The following GSDME variants were observed in gnomAD, a reference collection of about 807,000 sequenced individuals.
GSDME encodes the protein gasdermin-E.
A neutral mutation model predicts 47.5 loss-of-function variants in GSDME; 44 were observed. The ratio of observed to expected loss-of-function variants is 0.93; its 90% CI spans 0.73 to 1.19. GSDME has a LOEUF of 1.19. Among genes scored for constraint, GSDME ranks in the 50% most tolerant of loss-of-function variants. GSDME has a pLI of 0.00. For missense variants in GSDME, 663 were observed against 604.2 expected, an observed-to-expected ratio of 1.10 and a Z score of -1.02; for synonymous variants, 258 against 252.8, an observed-to-expected ratio of 1.02 and a Z score of -0.20.
chr7:24,734,272 A>G (rs1469888691), intron 3 of GSDME, among the ~76,000 whole-genome samples: 1 of 152,240 alleles, frequency 6.6e-6, no homozygotes, highest in East Asian at 1.9e-4. Flanking sequence ...AACTTGGATG[A>G]CAACACCCAA....
At position 24,717,354 on chromosome 7, in the gene GSDME, C is replaced by T; in HGVS notation, c.597G>A (p.Gly199=). 1 of 1,614,142 alleles carries T rather than the reference C, an allele frequency of 6.2e-7. No homozygotes were observed. Among genetic ancestry groups the T allele is most frequent in the Non-Finnish European group, 8.5e-7 (1 of 1,180,024 alleles). ...KTVQVSATED[G]NVTKDSNVVL... ...CCACGTTGGAGTCCTTGGTGACATTCCCATCCTCCGTCGCTGACACCTGTG... is the reference window on the plus strand; with the variant it reads ...CCACGTTGGAGTCCTTGGTGACATTTCCATCCTCCGTCGCTGACACCTGTG... Residue 199 remains glycine (G), a synonymous_variant, in exon 5 of 10, where the codon GGG becomes GGA. Transcript: ENST00000645220.
intron 3 of GSDME, among the ~76,000 whole-genome samples, chr7:24,722,437 C>CAACT (rs1789825605): frequency 6.6e-6 from 1 of 152,204 alleles, no homozygotes. Flanking sequence ...AACATACATT[C>CAACT]AACTGTTCCC....
At chr7:24,766,998 AAT>A in the GSDME span, among the ~76,000 whole-genome samples, 1 of 152,180 alleles carries the variant, frequency 6.6e-6, no homozygotes, top group African/African-American at 2.4e-5. The surrounding 1 kb of genome is among the most constrained non-coding windows in gnomAD (Gnocchi z 4.2). Context: ...TCGCCATTCA[AAT>A]GGGCATGAGA....
intron 5 of GSDME, among the ~76,000 whole-genome samples, chr7:24,710,890 AG>A (rs1413401000): frequency 6.6e-6 from 1 of 152,230 alleles, no homozygotes; most frequent in Non-Finnish European, 1.5e-5. Flanking sequence ...TGATGTCTGC[AG>A]TTATATGAAT....
chr7:24,743,943 CA>C (rs1554330525), intron 3 of GSDME: 1 of 155,550 alleles, frequency 6.4e-6, no homozygotes, highest in Non-Finnish European at 1.4e-5. Context: ...GACATTTGGG[CA>C]TTTTGCTCTC....
At chr7:24,770,233 T>G in the GSDME span, among the ~76,000 whole-genome samples, 1 of 152,240 alleles carries the variant, frequency 6.6e-6, no homozygotes, top group Non-Finnish European at 1.5e-5. The surrounding 1 kb of genome is among the most constrained non-coding windows in gnomAD (Gnocchi z 4.6). Flanking sequence ...ATGATGAGGT[T>G]CACAGAGCTT....
the GSDME span, among the ~76,000 whole-genome samples, chr7:24,784,237 C>T: frequency 3.7e-4 from 57 of 152,120 alleles, no homozygotes; most frequent in East Asian, 6.0e-3. Flanking sequence ...CAGGGTTCTG[C>T]GGAGGGACAG....
intron 1 of GSDME, among the ~76,000 whole-genome samples, chr7:24,751,564 C>T (rs1370517779): frequency 1.3e-5 from 2 of 152,144 alleles, no homozygotes; most frequent in East Asian, 1.9e-4. Context: ...AGCTACCTGA[C>T]CCTGTTCTTG....
intron 3 of GSDME, among the ~76,000 whole-genome samples, chr7:24,737,933 A>G (rs929367743): frequency 1.3e-5 from 2 of 152,194 alleles, no homozygotes; most frequent in Admixed American, 6.5e-5. Flanking sequence ...ATAAAATTCA[A>G]CATCCCTTCA....
chr7:24,730,058 T>C (rs1790095295), intron 3 of GSDME, among the ~76,000 whole-genome samples: 1 of 152,202 alleles, frequency 6.6e-6, no homozygotes, highest in African/African-American at 2.4e-5. Context: ...CTATGTCTGA[T>C]ATTCAGATTC....
Position 24,698,771 on chromosome 7 carries a change from G to A in GSDME, c.*255C>T, listed in dbSNP as rs1402827974. 2.3e-5 allele frequency: 12 copies of A among 521,172 alleles called. No homozygotes were observed. Among genetic ancestry groups the A allele is most frequent in the South Asian group, 1.3e-4 (6 of 47,944 alleles). The allele number at this position is 521,172 out of a possible 1,614,324, so 32.3% of individuals were successfully genotyped here. ...TCTGAATGTATGCTAAGAATTCTCC[G>A]CCCTCCCAGCTCTTTACATGCTGGA... On this transcript the variant is annotated 3_prime_UTR_variant, in exon 10 of 10. Coordinates refer to ENST00000645220, the MANE Select transcript of GSDME (RefSeq NM_001127453.2).
In GSDME at chr7:24,733,646, T is replaced by C. The variant is rs1011317750; in HGVS notation, c.404+10916A>G. 6.6e-6 allele frequency among the ~76,000 whole-genome samples: 1 copy of C among 152,106 alleles called. No individual in the cohort carries two copies. Among genetic ancestry groups the C allele is most frequent in the African/African-American group, 2.4e-5 (1 of 41,390 alleles). Reference sequence around the variant, plus strand: ...AATATGGGTGGTGGCCTGGCAGTGCTCCTTGTGGGCCTGTAGTGCTGGTGG... The same window carrying C: ...AATATGGGTGGTGGCCTGGCAGTGCCCCTTGTGGGCCTGTAGTGCTGGTGG... On this transcript the variant is annotated intron_variant, in intron 3 of 9. Transcript: ENST00000645220. This position sits in a 1 kb window ranked among gnomAD's most constrained non-coding sequence, Gnocchi z 4.3.
At chr7:24,794,256 CTCTTT>C in the GSDME span, among the ~76,000 whole-genome samples, 8 of 151,130 alleles carry the variant, frequency 5.3e-5, no homozygotes, top group African/African-American at 1.9e-4. Context: ...CTCTCTTTGC[CTCTTT>C]TCTTCTCTCT....
chr7:24,719,386 A>G (rs1446842022), intron 3 of GSDME, among the ~76,000 whole-genome samples, 168 bp from the exon 4 acceptor site: 4 of 152,116 alleles, frequency 2.6e-5, no homozygotes, highest in Non-Finnish European at 5.9e-5. Context: ...GACATAAACC[A>G]AACTCTCTTG....
At chr7:24,780,376 T>A in the GSDME span, among the ~76,000 whole-genome samples, 10 of 152,352 alleles carry the variant, frequency 6.6e-5, no homozygotes, top group Admixed American at 6.5e-4. The surrounding 1 kb of genome is among the most constrained non-coding windows in gnomAD (Gnocchi z 4.1). Flanking sequence ...AAAACTCATG[T>A]TTATCATCTG....
At chr7:24,794,706 T>C in the GSDME span, among the ~76,000 whole-genome samples, 1 of 152,186 alleles carries the variant, frequency 6.6e-6, no homozygotes, top group East Asian at 1.9e-4. Context: ...GAATCCTTTC[T>C]TGAAATTCTT....
In GSDME at chr7:24,749,636, G is replaced by C. The variant is rs778020680; in HGVS notation, c.139C>G (p.Gln47Glu). 5 of 1,613,860 alleles carry C rather than the reference G, an allele frequency of 3.1e-6. No homozygotes were observed. Among genetic ancestry groups the C allele is most frequent in the Non-Finnish European group, 3.4e-6 (4 of 1,180,038 alleles). ...GATAAAAACTGGTACTTGGGTCTCT[G>C]CCAGCACCAGAATCTCTTCTTTTTT... Reference protein sequence around the residue: ...VTKKKRFWCWQRPKYQFLSLT... With the variant: ...VTKKKRFWCWERPKYQFLSLT... Residue 47 changes from glutamine (Q) to glutamate (E), a missense_variant, in exon 2 of 10, where the codon CAG (glutamine) becomes GAG (glutamate). Transcript: ENST00000645220.
chr7:24,708,996 T>C (rs1043766469), intron 6 of GSDME, among the ~76,000 whole-genome samples: 9 of 152,316 alleles, frequency 5.9e-5, no homozygotes, highest in African/African-American at 2.2e-4. Flanking sequence ...TGATAAAGGT[T>C]TCGTATGCAG....
At position 24,719,193 on chromosome 7, in the gene GSDME, GCA is replaced by G. The variant is rs763765525; in HGVS notation, c.428_429del (p.Val143AlafsTer10). 5.6e-6 allele frequency: 9 copies of G among 1,612,998 alleles called. No homozygotes were observed. In the South Asian group the frequency reaches 9.9e-5, roughly 18 times the overall value. On this transcript the variant is annotated frameshift_variant, in exon 4 of 10. Coordinates refer to ENST00000645220, the MANE Select transcript of GSDME (RefSeq NM_001127453.2). LOFTEE classifies it high-confidence loss of function. ...TTCCTTCCTTCCAGCACCTGCTGGA[GCA>G]CAGGGTTTCTCAGATTTATTGTTCT... Reference protein sequence around the residue: ...AERTINLRNPVLQQVLEGRNE... With the variant: ...AERTINLRNPXLQQVLEGRNE...
Sources: gnomAD v4.1 joint callset for allele counts (sites outside exome capture counted in the v4.1 genomes callset) on GRCh38, gnomAD v4.1.1 for gene constraint, Gnocchi (gnomAD v3.1) non-coding constraint, MANE v1.5 for transcripts, NCBI Gene and HGNC (gene_info 2026-07-23, HGNC 2026-07-21) for gene names.